The following DPH6 variants were observed in gnomAD, a reference collection of about 807,000 sequenced individuals.
DPH6 encodes diphthine--ammonia ligase.
DPH6 carries 33 observed loss-of-function variants against 38.2 expected under a neutral mutation model. The ratio of observed to expected loss-of-function variants is 0.86; its 90% CI spans 0.65 to 1.15. The LOEUF (loss-of-function observed/expected upper bound fraction) is 1.15. DPH6 is among the 50% of genes most tolerant of loss of function. The pLI is 0.00. For synonymous variants in DPH6, 108 were observed against 103.0 expected (o/e 1.05, Z -0.30); for missense variants, 325 against 320.0 (o/e 1.02, Z -0.12).
chr15:35,436,499 C>CAAAAAAAA (rs367633039), intron 5 of DPH6, among the ~76,000 whole-genome samples: 927 of 21,934 alleles, frequency 0.042, 45 homozygotes, highest in African/African-American at 0.071. Flanking sequence ...CAAAACAAAA[C>CAAAAAAAA]AAAACAAAAC....
At chr15:35,423,555 A>G (rs1187673045) in intron 5 of DPH6, among the ~76,000 whole-genome samples, 3 of 151,542 alleles carry the variant, frequency 2.0e-5, no homozygotes, top group Admixed American at 6.6e-5. Context: ...ATGCAATCCT[A>G]TATGTCTATT....
chr15:35,203,636 T>C, the DPH6 span, among the ~76,000 whole-genome samples: 1 of 151,732 alleles, frequency 6.6e-6, no homozygotes, highest in Admixed American at 6.6e-5. Context: ...GCAGAATAAA[T>C]AAATAGCAAC....
intron 5 of DPH6, among the ~76,000 whole-genome samples, chr15:35,417,943 C>T (rs1030746004): frequency 1.3e-5 from 2 of 152,014 alleles, no homozygotes; most frequent in African/African-American, 4.8e-5. Context: ...ACATTAAAAC[C>T]TTTGGAGGAG....
intron 3 of DPH6, among the ~76,000 whole-genome samples, chr15:35,255,977 G>T (rs2051705542): frequency 6.6e-6 from 1 of 151,740 alleles, no homozygotes; most frequent in South Asian, 2.1e-4. Flanking sequence ...TAAATATACA[G>T]TATATAATAT....
At chr15:35,290,388 G>C (rs572462651) in intron 3 of DPH6, among the ~76,000 whole-genome samples, 1 of 152,316 alleles carries the variant, frequency 6.6e-6, no homozygotes, top group East Asian at 1.9e-4. Flanking sequence ...ACATGAACCA[G>C]GGCAGGCAGA....
intron 3 of DPH6, among the ~76,000 whole-genome samples, chr15:35,307,940 G>A (rs1034401774): frequency 6.6e-6 from 1 of 152,036 alleles, no homozygotes; most frequent in East Asian, 1.9e-4. Context: ...CTACTTTTCC[G>A]CATGTCTGAA....
intron 3 of DPH6, among the ~76,000 whole-genome samples, chr15:35,479,874 C>G (rs2054306459): frequency 6.6e-6 from 1 of 152,008 alleles, no homozygotes. Flanking sequence ...TTATCAAAAG[C>G]ATTTCGATTA....
At chr15:35,212,417 A>G (rs2051393340), downstream of DPH6, among the ~76,000 whole-genome samples, 1 of 152,156 alleles carries the variant, frequency 6.6e-6, no homozygotes. Context: ...CTCTGCAGCA[A>G]AAGAAATACA....
intron 3 of DPH6, among the ~76,000 whole-genome samples, chr15:35,475,996 A>G (rs953950084): frequency 1.3e-5 from 2 of 151,878 alleles, no homozygotes; most frequent in Non-Finnish European, 2.9e-5. Flanking sequence ...ACATTAAGAC[A>G]TCACTCTGAG....
At position 35,257,190 on chromosome 15, in the gene DPH6, T is replaced by C. The variant is rs2051714310; in HGVS notation, n.201-36608A>G. On this transcript the variant is annotated intron_variant and non_coding_transcript_variant, in intron 3 of 3. Coordinates refer to the DPH6 transcript ENST00000560386. Reference sequence around the variant, plus strand: ...GCATACCAGGAAAGGAGGAGAAAAATAATAAATAGGTAAGGGTACTAGTTT... The same window carrying C: ...GCATACCAGGAAAGGAGGAGAAAAACAATAAATAGGTAAGGGTACTAGTTT... Among the ~76,000 whole-genome samples the C allele has an allele frequency of 2.6e-5, 4 of 152,216 alleles. No homozygotes were observed. In the South Asian group the frequency reaches 8.3e-4, roughly 32 times the overall value.
the DPH6 span, among the ~76,000 whole-genome samples, chr15:35,176,717 C>T: frequency 2.3e-4 from 35 of 152,228 alleles, no homozygotes; most frequent in East Asian, 1.5e-3. Context: ...GTGATCCGCC[C>T]GCCTTGGCCT....
chr15:35,517,932 T>C (rs1232550561), intron 3 of DPH6, among the ~76,000 whole-genome samples: 5 of 152,210 alleles, frequency 3.3e-5, no homozygotes, highest in South Asian at 2.1e-4. Flanking sequence ...ATTAAAACAA[T>C]GTTTTACTTT....
rs1376532995 is a variant in DPH6 at position 35,258,154 on chromosome 15, T to A, written n.201-37572A>T. Among the ~76,000 whole-genome samples, 4 of 152,348 alleles carry A rather than the reference T, an allele frequency of 2.6e-5. No individual in the cohort carries two copies. The Middle Eastern group carries it at 0.01, about 389-fold the overall frequency. On this transcript the variant is annotated intron_variant and non_coding_transcript_variant, in intron 3 of 3. Transcript: ENST00000560386. Reference sequence around the variant, plus strand: ...TTTTAATTTGTGCCAAGACACTTGATAAAGCCATTGAATTATTAATGAAAA... The same window carrying A: ...TTTTAATTTGTGCCAAGACACTTGAAAAAGCCATTGAATTATTAATGAAAA...
chr15:35,473,108 T>C (rs987918940), intron 3 of DPH6, among the ~76,000 whole-genome samples: 1 of 152,182 alleles, frequency 6.6e-6, no homozygotes, highest in African/African-American at 2.4e-5. Flanking sequence ...ATCTCTAAGA[T>C]GCTCGGTTTC....
chr15:35,437,896 T>C (rs903533111), intron 5 of DPH6, among the ~76,000 whole-genome samples: 1 of 152,244 alleles, frequency 6.6e-6, no homozygotes, highest in Non-Finnish European at 1.5e-5. Context: ...GAATGAGTTC[T>C]TTCTGGTTTG....
At chr15:35,513,343 G>C (rs6495777) in intron 3 of DPH6, among the ~76,000 whole-genome samples, 136,258 of 151,998 alleles carry the variant, frequency 0.9, 61,219 homozygotes, top group East Asian at 1. Flanking sequence ...GGGTGAGTAC[G>C]CTGTAAGGTT....
chr15:35,539,943 T>C (rs553705559), intron 2 of DPH6, among the ~76,000 whole-genome samples: 17 of 152,216 alleles, frequency 1.1e-4, no homozygotes, highest in Admixed American at 1.0e-3. Context: ...CAGTAGGAAG[T>C]AGAGAACATA....
At chr15:35,327,504 C>T (rs149774086), downstream of DPH6, among the ~76,000 whole-genome samples, 139 of 152,160 alleles carry the variant, frequency 9.1e-4, 1 homozygote, top group African/African-American at 2.9e-3. Context: ...TGCTGCCATG[C>T]CTGGCTAATT....
At chr15:35,369,586 T>A (rs2052692032), downstream of DPH6, among the ~76,000 whole-genome samples, 1 of 143,426 alleles carries the variant, frequency 7.0e-6, no homozygotes. Flanking sequence ...AACTCTGAAT[T>A]CACACCAAGA....
Sources: allele counts gnomAD v4.1 joint callset (sites outside exome capture counted in the v4.1 genomes callset), GRCh38; gene constraint gnomAD v4.1.1; transcripts MANE v1.5; gene names NCBI Gene and HGNC (gene_info 2026-07-23, HGNC 2026-07-21).